The following TP63 variants were observed in gnomAD, a reference collection of about 807,000 sequenced individuals.
TP63 encodes tumor protein 63.
A neutral mutation model predicts 82.8 loss-of-function variants in TP63; 17 were observed. The observed-to-expected ratio is 0.21, with a 90% confidence interval of 0.14 to 0.31. The LOEUF (loss-of-function observed/expected upper bound fraction) is 0.31. TP63 is among the 10% of genes least tolerant of loss of function. The pLI, the probability that TP63 is intolerant of heterozygous loss-of-function variation, is 1.00. For missense variants in TP63, 648 were observed against 895.3 expected (o/e 0.72, Z 3.52); for synonymous variants, 330 against 321.7 (o/e 1.03, Z -0.28).
At chr3:189,720,788 T>G (rs1198009091) in intron 1 of TP63, among the ~76,000 whole-genome samples, 1 of 145,164 alleles carries the variant, frequency 6.9e-6, no homozygotes, top group East Asian at 2.0e-4. Flanking sequence ...AGGGAGCAGA[T>G]AGGGAGATAG....
chr3:189,798,474 T>C (rs1224404893), intron 3 of TP63, among the ~76,000 whole-genome samples: 1 of 152,118 alleles, frequency 6.6e-6, no homozygotes, highest in South Asian at 2.1e-4. Context: ...CATAATTGAT[T>C]ACTCACAAGG....
At position 189,631,568 on chromosome 3, in the gene TP63, A is replaced by G; in HGVS notation, c.53A>G (p.Tyr18Cys). 1 of 1,612,916 alleles carries G rather than the reference A, an allele frequency of 6.2e-7. No homozygotes were observed. Among genetic ancestry groups the G allele is most frequent in the African/African-American group, 1.3e-5 (1 of 74,968 alleles). Residue 18 changes from tyrosine to cysteine, a missense_variant, in exon 1 of 14, where the codon TAC (tyrosine) becomes TGC (cysteine). Tyr to Cys is a radical substitution (Grantham distance 194). This residue lies in a region of TP63 where 182 missense variants were observed against 213.6 expected (regional missense o/e 0.85). Coordinates refer to ENST00000264731, the MANE Select transcript of TP63 (RefSeq NM_003722.5). ...CATLQYCPDP[Y>C]IQRFVETPAH... ...ACCCTACAGTACTGCCCTGACCCTTACATCCAGCGGTGAGTTTGAATGTGA... is the reference window on the plus strand; with the variant it reads ...ACCCTACAGTACTGCCCTGACCCTTGCATCCAGCGGTGAGTTTGAATGTGA...
chr3:189,863,852 A>G (rs1185990266), intron 4 of TP63, among the ~76,000 whole-genome samples: 1 of 152,174 alleles, frequency 6.6e-6, no homozygotes, highest in Non-Finnish European at 1.5e-5. Context: ...TTGTTGTTTA[A>G]TATCACTCAG....
At chr3:189,661,880 GA>G (rs1298158226) in intron 1 of TP63, among the ~76,000 whole-genome samples, 16 of 152,110 alleles carry the variant, frequency 1.1e-4, no homozygotes, top group African/African-American at 3.9e-4. Context: ...TAGTCTTTGA[GA>G]AACTTTTGTA....
At chr3:189,841,392 T>C (rs567596338) in intron 4 of TP63, among the ~76,000 whole-genome samples, 5 of 152,306 alleles carry the variant, frequency 3.3e-5, no homozygotes, top group African/African-American at 1.2e-4. Flanking sequence ...AGTGATGGTG[T>C]CATTTATGGA....
chr3:189,852,092 G>A (rs150156137), intron 4 of TP63, among the ~76,000 whole-genome samples: 1 of 152,212 alleles, frequency 6.6e-6, no homozygotes, highest in Non-Finnish European at 1.5e-5. Flanking sequence ...CATGAAGGCA[G>A]AGGGAGGGAA....
At chr3:189,698,055 T>C (rs1717524310) in intron 1 of TP63, among the ~76,000 whole-genome samples, 1 of 152,110 alleles carries the variant, frequency 6.6e-6, no homozygotes, top group Non-Finnish European at 1.5e-5. Context: ...ATTTAGGGCT[T>C]CCAGGACAAT....
At chr3:189,814,063 A>C (rs1377534157) in intron 4 of TP63, among the ~76,000 whole-genome samples, 1 of 152,190 alleles carries the variant, frequency 6.6e-6, no homozygotes, top group Non-Finnish European at 1.5e-5. Flanking sequence ...TGATCCCAGC[A>C]TATGGGTCTT....
chr3:189,755,712 G>C (rs1009049972), intron 3 of TP63, among the ~76,000 whole-genome samples: 1 of 151,832 alleles, frequency 6.6e-6, no homozygotes, highest in South Asian at 2.1e-4. Flanking sequence ...CATGAATCTT[G>C]TTTTTTTAAT....
intron 3 of TP63, among the ~76,000 whole-genome samples, chr3:189,747,572 T>C (rs1301508156): frequency 6.6e-6 from 1 of 151,932 alleles, no homozygotes; most frequent in Non-Finnish European, 1.5e-5. Context: ...ATCTATGGGA[T>C]ACAACAAAAG....
Position 189,846,120 on chromosome 3 carries a change from C to CT in TP63, c.580-18103dup, listed in dbSNP as rs948293679. On this transcript the variant is annotated intron_variant, in intron 4 of 13. Coordinates refer to ENST00000264731, the MANE Select transcript of TP63 (RefSeq NM_003722.5). ...AGGTAGGGTCCTAGTCACTGGAATT[C>CT]TTTTTTTTTCCCCCTTCTCTTTGCA... Among the ~76,000 whole-genome samples the CT allele has an allele frequency of 7.3e-5, 11 of 151,150 alleles. No individual in the cohort carries two copies. The East Asian group carries it at 1.4e-3, about 19-fold the overall frequency.
chr3:189,884,403 A>C (rs528609223), intron 10 of TP63, among the ~76,000 whole-genome samples: 2 of 152,226 alleles, frequency 1.3e-5, no homozygotes, highest in African/African-American at 4.8e-5. Context: ...ACCTAGAAAA[A>C]ACAATAGGTG....
At chr3:189,785,975 T>G (rs1421903139) in intron 3 of TP63, among the ~76,000 whole-genome samples, 9 of 151,796 alleles carry the variant, frequency 5.9e-5, no homozygotes, top group Non-Finnish European at 8.8e-5. Flanking sequence ...ATTCATGGAC[T>G]CAAACAACCA....
chr3:189,785,408 C>A (rs1042157728), intron 3 of TP63, among the ~76,000 whole-genome samples: 14 of 151,998 alleles, frequency 9.2e-5, no homozygotes, highest in African/African-American at 3.4e-4. Flanking sequence ...ACTTCACAAT[C>A]TTGTTGAGGA....
At chr3:189,869,067 T>C (rs1362154299) in intron 8 of TP63, among the ~76,000 whole-genome samples, 1 of 152,152 alleles carries the variant, frequency 6.6e-6, no homozygotes, top group African/African-American at 2.4e-5. Context: ...CATACTGAAT[T>C]TCTTTTATGT....
upstream of TP63, among the ~76,000 whole-genome samples, chr3:189,629,221 A>G (rs1429030939): frequency 6.6e-6 from 1 of 151,918 alleles, no homozygotes; most frequent in Non-Finnish European, 1.5e-5. Context: ...CTAAAAAAAC[A>G]AAACAAAACA....
At chr3:189,832,028 C>T (rs1712442510) in intron 4 of TP63, among the ~76,000 whole-genome samples, 1 of 151,844 alleles carries the variant, frequency 6.6e-6, no homozygotes, top group Admixed American at 6.6e-5. Context: ...GACAGGGTTT[C>T]ACCATGTTGG....
Position 189,771,324 on chromosome 3 carries a change from T to TTATATATAATATATTATATATA in TP63, c.324+32564_324+32565insTATATATATATATATAATATAT, listed in dbSNP as rs1209388172. Among the ~76,000 whole-genome samples the TTATATATAATATATTATATATA allele has an allele frequency of 9.7e-5, 13 of 134,144 alleles. 1 individual carries two copies. Among genetic ancestry groups the TTATATATAATATATTATATATA allele is most frequent in the African/African-American group, 1.8e-4 (6 of 33,608 alleles). The allele number at this position is 134,144 out of a possible 152,430, so 88.0% of individuals were successfully genotyped here. On this transcript the variant is annotated intron_variant, in intron 3 of 13. Coordinates refer to ENST00000264731, the MANE Select transcript of TP63 (RefSeq NM_003722.5). ...TTTATATATATAATATATTATATAT[T>TTATATATAATATATTATATATA]TATATATAATATATATTTATATAAT...
intron 1 of TP63, among the ~76,000 whole-genome samples, chr3:189,671,476 T>C (rs1019366013): frequency 6.6e-6 from 1 of 152,096 alleles, no homozygotes; most frequent in African/African-American, 2.4e-5. Context: ...GAAAAGAGTA[T>C]GGAGGTTTCT....
Sources: allele counts gnomAD v4.1 joint callset (sites outside exome capture counted in the v4.1 genomes callset), GRCh38; gene constraint gnomAD v4.1.1; regional missense constraint gnomAD v4.1.1; transcripts MANE v1.5; gene names NCBI Gene and HGNC (gene_info 2026-07-23, HGNC 2026-07-21).